The following SBNO2 variants were observed in gnomAD, a reference collection of about 807,000 sequenced individuals.
SBNO2 encodes protein strawberry notch homolog 2.
A neutral mutation model predicts 146.3 loss-of-function variants in SBNO2; 89 were observed. The observed-to-expected ratio is 0.61, with a 90% CI of 0.51 to 0.73. The LOEUF (loss-of-function observed/expected upper bound fraction) is 0.73, where lower values mean the gene tolerates loss of function less well. Among genes scored for constraint, SBNO2 ranks in the 30% least tolerant of loss-of-function variants. The pLI, the probability that SBNO2 is intolerant of heterozygous loss-of-function variation, is 0.00. For missense variants in SBNO2, 2,092 were observed against 2,003.7 expected, an observed-to-expected ratio of 1.04 and a Z score of -0.84; for synonymous variants, 1,147 against 892.6, an observed-to-expected ratio of 1.29 and a Z score of -5.08.
At chr19:1,154,507 C>T (rs2080271378) in intron 1 of SBNO2, 105 bp from the exon 2 acceptor site, 1 of 375,274 alleles carries the variant, frequency 2.7e-6, no homozygotes. Context: ...TGGGCTGCAG[C>T]TCCTGCTACC....
intron 4 of SBNO2, among the ~76,000 whole-genome samples, chr19:1,138,874 C>T (rs1452339968): frequency 2.0e-5 from 3 of 151,322 alleles, no homozygotes; most frequent in Admixed American, 6.6e-5. Context: ...GCCCTCCATG[C>T]GTCCATCACG....
chr19:1,124,555 G>A (rs928658604), intron 5 of SBNO2, among the ~76,000 whole-genome samples: 20 of 152,228 alleles, frequency 1.3e-4, no homozygotes, highest in Admixed American at 1.1e-3. Flanking sequence ...AGCACACAGG[G>A]TGGGTGGCCC....
chr19:1,107,822 CAG>C lies in SBNO2; in HGVS notation c.*396_*397del, dbSNP rs2079688651. ...GGGGAGGGAGAATTGCATATATTAG[CAG>C]GGGTCTGCCCCACGGAGCCCCCGAG... On this transcript the variant is annotated 3_prime_UTR_variant, in exon 32 of 32. Coordinates refer to ENST00000361757, the MANE Select transcript of SBNO2 (RefSeq NM_014963.3). The C allele has an allele frequency of 6.4e-6, 1 of 156,346 alleles. No individual in the cohort carries two copies. Among genetic ancestry groups the C allele is most frequent in the South Asian group, 1.9e-4 (1 of 5,276 alleles). The allele number at this position is 156,346 out of a possible 1,614,324, so 9.7% of individuals were successfully genotyped here.
chr19:1,170,539 C>T (rs1473737538), intron 1 of SBNO2, among the ~76,000 whole-genome samples: 1 of 152,176 alleles, frequency 6.6e-6, no homozygotes, highest in African/African-American at 2.4e-5. Context: ...CAGCCCTCCC[C>T]GTGTGCTGTC....
In SBNO2 at chr19:1,119,058, G is replaced by A; in HGVS notation, c.1480C>T (p.Pro494Ser). 6.2e-7 allele frequency: 1 copy of A among 1,605,622 alleles called. No homozygotes were observed. Among genetic ancestry groups the A allele is most frequent in the Non-Finnish European group, 8.5e-7 (1 of 1,177,358 alleles). Residue 494 changes from proline to serine, a missense_variant, in exon 14 of 32, where the codon CCG becomes TCG. Coordinates refer to ENST00000361757, the MANE Select transcript of SBNO2 (RefSeq NM_014963.3). ...SGVTFRIEEI[P>S]LAPAFECVYN... ...ACGCACTCGAAGGCTGGGGCCAGCG[G>A]GATCTCCTCGATGCGGAAGGTGACG...
chr19:1,165,678 ACCCAGACCCCAGATCTCAGAC>A (rs1258665898), intron 1 of SBNO2, among the ~76,000 whole-genome samples: 4 of 61,922 alleles, frequency 6.5e-5, no homozygotes, highest in South Asian at 5.5e-4. Flanking sequence ...AGACCCCAGT[ACCCAGACCCCAGATCTCAGAC>A]CCCAGACCCC....
intron 11 of SBNO2, among the ~76,000 whole-genome samples, chr19:1,120,734 T>A (rs902908277): frequency 1.3e-5 from 2 of 152,140 alleles, no homozygotes; most frequent in African/African-American, 4.8e-5. Flanking sequence ...AGCGGCGCGA[T>A]CTCAGCTCAC....
rs2079698317 is a variant in SBNO2, at chr19:1,108,303, C to G, written c.4018G>C (p.Gly1340Arg). The change falls in exon 32 of 32, where the codon GGG becomes CGG. Residue 1340 changes from glycine to arginine, a missense_variant. Transcript: ENST00000361757. ...EGALGEGAGA[G>R]GAAGGGPERQ... is the part of the protein sequence containing the mutation. ...TCGGGACCACCGCCCGCCGCGCCCCCCGCCCCCGCGCCCTCCCCCAGCGCG... is the reference window on the plus strand; with the variant it reads ...TCGGGACCACCGCCCGCCGCGCCCCGCGCCCCCGCGCCCTCCCCCAGCGCG... 1 of 1,483,676 alleles carries G rather than the reference C, an allele frequency of 6.7e-7. No individual in the cohort carries two copies. Among genetic ancestry groups the G allele is most frequent in the East Asian group, 3.0e-5 (1 of 33,374 alleles). The allele number at this position is 1,483,676 out of a possible 1,614,324, so 91.9% of individuals were successfully genotyped here.
In SBNO2 at chr19:1,157,241, C is replaced by T. The variant is rs1364851182; in HGVS notation, c.-126-2839G>A. Among the ~76,000 whole-genome samples, 1 of 151,908 alleles carries T rather than the reference C, an allele frequency of 6.6e-6. No individual in the cohort carries two copies. Among genetic ancestry groups the T allele is most frequent in the Non-Finnish European group, 1.5e-5 (1 of 67,976 alleles). ...CTGTGACCACGCCATGTCTCTGGGG[C>T]ATCCAGCTGCCCCAATCCCCAGGAT... On this transcript the variant is annotated intron_variant, in intron 1 of 31. Coordinates refer to ENST00000361757, the MANE Select transcript of SBNO2 (RefSeq NM_014963.3). This position sits in a 1 kb window ranked among gnomAD's most constrained non-coding sequence, Gnocchi z 6.8.
intron 4 of SBNO2, among the ~76,000 whole-genome samples, chr19:1,143,146 G>A (rs1337293597): frequency 6.6e-6 from 1 of 152,108 alleles, no homozygotes; most frequent in Middle Eastern, 3.2e-3. Context: ...CGGTGCCTCC[G>A]TTTCCCCTCG....
In SBNO2 at chr19:1,125,319, A is replaced by C. The variant is rs928894525; in HGVS notation, c.442-1297T>G. ...GGTTGCAGTGAGCTGAGATCACGCC[A>C]TTGTACTCCAGCCTGGGTGACAGGG... On this transcript the variant is annotated intron_variant, in intron 5 of 31. Coordinates refer to ENST00000361757, the MANE Select transcript of SBNO2 (RefSeq NM_014963.3). 4.9e-5 allele frequency among the ~76,000 whole-genome samples: 7 copies of C among 143,982 alleles called. No homozygotes were observed. The South Asian group carries it at 1.3e-3, about 27-fold the overall frequency. The allele number at this position is 143,982 out of a possible 152,430, so 94.5% of individuals were successfully genotyped here. A position where few individuals can be genotyped will look rare whatever the true frequency, so the allele number is the denominator to read the frequency against.
At chr19:1,121,227 C>T (rs1222924501) in intron 11 of SBNO2, among the ~76,000 whole-genome samples, 4 of 152,202 alleles carry the variant, frequency 2.6e-5, no homozygotes, top group Non-Finnish European at 5.9e-5. Context: ...AGCCAAGTTC[C>T]AGGAAAGCAG....
chr19:1,146,065 G>A (rs558134994), intron 4 of SBNO2, among the ~76,000 whole-genome samples: 46 of 152,138 alleles, frequency 3.0e-4, no homozygotes, highest in African/African-American at 1.0e-3. Flanking sequence ...TGGCCACACC[G>A]CCCCAGCCCC....
Position 1,110,956 on chromosome 19 carries a change from G to A in SBNO2, c.2884+63C>T, listed in dbSNP as rs748449429. The A allele has an allele frequency of 7.9e-5, 127 of 1,610,352 alleles. 1 individual carries two copies. The highest frequency in any genetic ancestry group is 9.9e-5 in the Non-Finnish European group (117 of 1,177,694). On this transcript the variant is annotated intron_variant, in intron 25 of 31. Transcript: ENST00000361757. This position sits in a 1 kb window ranked among gnomAD's most constrained non-coding sequence, Gnocchi z 4.9. The stretch of plus-strand genomic sequence containing the variant: ...CCTCTCCCTGCTTTGCTCACCACCC[G>A]AGGCCAAGGTTGCATGAGATGAGAG...
rs1450199233 is a variant in SBNO2 at position 1,157,801 on chromosome 19, G to A, written c.-126-3399C>T. Among the ~76,000 whole-genome samples the A allele has an allele frequency of 6.6e-6, 1 of 150,864 alleles. No individual in the cohort carries two copies. The highest frequency in any genetic ancestry group is 2.5e-5 in the African/African-American group (1 of 40,382). ...TCCGAGGAACCGGGTAACTGTGTCC[G>A]CCTCCCAGCTCTCTCCTGAGTCCGG... On this transcript the variant is annotated intron_variant, in intron 1 of 31. Coordinates refer to ENST00000361757, the MANE Select transcript of SBNO2 (RefSeq NM_014963.3). The surrounding 1 kb of genome is among the most constrained non-coding windows in gnomAD (Gnocchi z 6.8).
chr19:1,146,727 G>C (rs1428216956), intron 4 of SBNO2, among the ~76,000 whole-genome samples: 1 of 144,730 alleles, frequency 6.9e-6, no homozygotes, highest in Non-Finnish European at 1.5e-5. Context: ...TGAGGGTGGG[G>C]GTGGGGTCCG....
At position 1,110,319 on chromosome 19, in the gene SBNO2, CACA is replaced by C. The variant is rs567411582; in HGVS notation, c.3028+423_3028+425del. Reference sequence around the variant, plus strand: ...AGCACAGGCTCGCCGGCCTTTCGTTCACAACAATGTAGCAGGTGCCCCGTGAAG... The same window carrying C: ...AGCACAGGCTCGCCGGCCTTTCGTTCACAATGTAGCAGGTGCCCCGTGAAG... On this transcript the variant is annotated intron_variant, in intron 26 of 31. Transcript: ENST00000361757. This position sits in a 1 kb window ranked among gnomAD's most constrained non-coding sequence, Gnocchi z 4.9. Among the ~76,000 whole-genome samples, 527 of 152,260 alleles carry C rather than the reference CACA, an allele frequency of 3.5e-3. 1 individual carries two copies. Among genetic ancestry groups the C allele is most frequent in the African/African-American group, 0.012 (503 of 41,516 alleles).
chr19:1,164,685 AGG>A (rs1337667159), intron 1 of SBNO2, among the ~76,000 whole-genome samples: 5 of 73,982 alleles, frequency 6.8e-5, no homozygotes, highest in Admixed American at 1.5e-4. Context: ...GAGGAGGAGG[AGG>A]AGGAGGAAGA....
At position 1,109,314 on chromosome 19, in the gene SBNO2, C is replaced by G; in HGVS notation, c.3326G>C (p.Ser1109Thr). The G allele has an allele frequency of 6.3e-7, 1 of 1,597,104 alleles. No homozygotes were observed. The highest frequency in any genetic ancestry group is 1.1e-5 in the South Asian group (1 of 88,986). ...TACCCGGTGGAACTTGCGGCGGAGG[C>G]TGTCCAGGGCCTCCAGCTGGCTCTG... ...GRQSQLEALD[S>T]LRRKFHRVTA... Residue 1109 changes from serine (S) to threonine (T), a missense_variant, in exon 29 of 32, where the codon AGC becomes ACC. Coordinates refer to ENST00000361757, the MANE Select transcript of SBNO2 (RefSeq NM_014963.3). The surrounding 1 kb of genome is among the most constrained non-coding windows in gnomAD (Gnocchi z 4.2).
Sources: allele counts gnomAD v4.1 joint callset (sites outside exome capture counted in the v4.1 genomes callset), GRCh38; gene constraint gnomAD v4.1.1; non-coding constraint Gnocchi (gnomAD v3.1); transcripts MANE v1.5; gene names NCBI Gene and HGNC (gene_info 2026-07-23, HGNC 2026-07-21).